CNRIP1: variants seen among roughly 807,000 people sequenced by gnomAD.
The protein encoded by CNRIP1 is CB1 cannabinoid receptor-interacting protein 1.
CNRIP1 carries 10 observed loss-of-function variants against 15.2 expected under a neutral mutation model. The ratio of observed to expected loss-of-function variants is 0.66; its 90% CI spans 0.41 to 1.12. The LOEUF is 1.12. CNRIP1 is among the 50% of genes most tolerant of loss of function. CNRIP1 has a pLI of 0.00. For synonymous variants in CNRIP1, 91 were observed against 83.2 expected (o/e 1.09, Z -0.51); for missense variants, 211 against 214.7 (o/e 0.98, Z 0.11).
At chr2:68,316,679 ATATAT>A (rs1330984172) in intron 2 of CNRIP1, 1 of 178,238 alleles carries the variant, frequency 5.6e-6, no homozygotes, top group Non-Finnish European at 1.2e-5. Flanking sequence ...TATAATAGGT[ATATAT>A]TATATAAAAT....
downstream of CNRIP1, among the ~76,000 whole-genome samples, chr2:68,288,128 A>C (rs973886286): frequency 6.6e-6 from 1 of 152,092 alleles, no homozygotes; most frequent in Non-Finnish European, 1.5e-5. Flanking sequence ...TTGTTGAGTC[A>C]GCTCATTTTC....
intron 2 of CNRIP1, chr2:68,284,502 C>T: frequency 6.6e-7 from 1 of 1,522,306 alleles, no homozygotes; most frequent in Non-Finnish European, 8.9e-7. Flanking sequence ...TAAATAGATA[C>T]CAGAATAAGT....
Position 68,307,381 on chromosome 2 carries a change from G to GCCCAGGC in CNRIP1, c.330+9775_330+9776insGCCTGGG, listed in dbSNP as rs1573028572. Among the ~76,000 whole-genome samples the GCCCAGGC allele has an allele frequency of 2.0e-5, 3 of 152,316 alleles. No individual in the cohort carries two copies. The East Asian group carries it at 5.8e-4, about 29-fold the overall frequency. ...CTGTGGCCCAGGCTGGAGTATAGTG[G>GCCCAGGC]TTTGATCATAGCTCACTGCAGCCTT... On this transcript the variant is annotated intron_variant, in intron 2 of 2. Transcript: ENST00000263655.
At chr2:68,296,398 GT>G (rs764470750) in intron 2 of CNRIP1, among the ~76,000 whole-genome samples, 81 of 152,170 alleles carry the variant, frequency 5.3e-4, no homozygotes, top group Admixed American at 9.2e-4. Flanking sequence ...TACAAAAAAT[GT>G]TTGAAAATTA....
chr2:68,311,210 A>G (rs892398362), intron 2 of CNRIP1, among the ~76,000 whole-genome samples: 16 of 152,152 alleles, frequency 1.1e-4, no homozygotes, highest in Admixed American at 1.0e-3. Context: ...CAAGGGGGGA[A>G]AAACCAGTTA....
rs1156706346 is a variant in CNRIP1, at chr2:68,293,961, A to AT, written c.395dup (p.Asp132GlufsTer13). 3 of 1,613,938 alleles carry AT rather than the reference A, an allele frequency of 1.9e-6. No individual in the cohort carries two copies. The highest frequency in any genetic ancestry group is 3.3e-5 in the Admixed American group (2 of 60,000). Reference sequence around the variant, plus strand: ...AGAAGGGGCTTCCCCACTGGCAGTGATCCCGCTTGTGGTAATTGTAGAACT... The same window carrying AT: ...AGAAGGGGCTTCCCCACTGGCAGTGATTCCCGCTTGTGGTAATTGTAGAACT... On this transcript the variant is annotated frameshift_variant, in exon 3 of 3. Coordinates refer to ENST00000263655, the MANE Select transcript of CNRIP1 (RefSeq NM_015463.3). LOFTEE classifies it high-confidence loss of function.
At chr2:68,292,903 A>C (rs1209632852), downstream of CNRIP1, 2 of 523,782 alleles carry the variant, frequency 3.8e-6, no homozygotes, top group African/African-American at 4.2e-5. Context: ...TCTACTCCGG[A>C]TACATCCCCG....
rs1672407795 is a variant in CNRIP1 at position 68,319,376 on chromosome 2, G to T, written c.25C>A (p.Arg9Ser). The stretch of plus-strand genomic sequence containing the variant: ...TGGATGCGCAGCGCGATGGAGAGGC[G>T]CACGAGGCCCGGCAGGTCCCCCATG... MGDLPGLV[R>S]LSIALRIQPN... Residue 9 changes from arginine (R) to serine (S), a missense_variant, in exon 1 of 3, where the codon CGC (arginine) becomes AGC (serine). Coordinates refer to ENST00000263655, the MANE Select transcript of CNRIP1 (RefSeq NM_015463.3). 1.9e-6 allele frequency: 3 copies of T among 1,584,066 alleles called. No individual in the cohort carries two copies. The highest frequency in any genetic ancestry group is 1.1e-5 in the South Asian group (1 of 87,860).
At chr2:68,307,293 T>C (rs967245292) in intron 2 of CNRIP1, among the ~76,000 whole-genome samples, 14 of 152,204 alleles carry the variant, frequency 9.2e-5, no homozygotes, top group African/African-American at 2.7e-4. Flanking sequence ...TGTATAGGAT[T>C]GTATATATTG....
At chr2:68,313,658 C>T (rs1672172661) in intron 2 of CNRIP1, among the ~76,000 whole-genome samples, 1 of 152,122 alleles carries the variant, frequency 6.6e-6, no homozygotes, top group Non-Finnish European at 1.5e-5. Context: ...GAGGAATTAA[C>T]TGCAAATAAT....
At chr2:68,308,446 G>T (rs1013078806) in intron 2 of CNRIP1, among the ~76,000 whole-genome samples, 13 of 151,766 alleles carry the variant, frequency 8.6e-5, no homozygotes, top group African/African-American at 3.2e-4. Context: ...ACTTTATACT[G>T]TGTAGAGACA....
downstream of CNRIP1, among the ~76,000 whole-genome samples, chr2:68,289,739 C>A (rs952201748): frequency 6.6e-6 from 1 of 152,198 alleles, no homozygotes; most frequent in South Asian, 2.1e-4. Flanking sequence ...CATTGGCCCC[C>A]CAAAGTGCTG....
chr2:68,316,164 G>A (rs1297107392), intron 2 of CNRIP1: 2 of 151,992 alleles, frequency 1.3e-5, no homozygotes, highest in East Asian at 1.9e-4. Context: ...AGGTTAGATA[G>A]GCATTTCTCA....
intron 2 of CNRIP1, among the ~76,000 whole-genome samples, chr2:68,300,394 G>T (rs1343504620): frequency 4.6e-5 from 7 of 152,158 alleles, no homozygotes; most frequent in Non-Finnish European, 1.5e-5. Context: ...CAAGGCAGGT[G>T]GATCACAAGG....
Position 68,319,661 on chromosome 2 carries a change from T to G in CNRIP1, c.-261A>C. 2 of 435,588 alleles carry G rather than the reference T, an allele frequency of 4.6e-6. No individual in the cohort carries two copies. The highest frequency in any genetic ancestry group is 8.2e-6 in the Non-Finnish European group (2 of 243,926). The allele number at this position is 435,588 out of a possible 1,614,324, so 27.0% of individuals were successfully genotyped here. ...GGCTCCAAGGCCGCGCGCTTCCCCA[T>G]CCCCCGCTCCAGTGCTGCGCCCTCC... is the stretch of plus-strand genomic sequence containing the variant. On this transcript the variant is annotated 5_prime_UTR_variant, in exon 1 of 3. The change abolishes an upstream ATG in the 5' untranslated region. Coordinates refer to ENST00000263655, the MANE Select transcript of CNRIP1 (RefSeq NM_015463.3).
At chr2:68,285,163 C>T (rs969093058) in intron 2 of CNRIP1, among the ~76,000 whole-genome samples, 3 of 152,090 alleles carry the variant, frequency 2.0e-5, no homozygotes, top group Non-Finnish European at 2.9e-5. Context: ...CAGGCAGGAG[C>T]GAGGGAGTGG....
chr2:68,285,059 G>A (rs1479516878), intron 2 of CNRIP1, among the ~76,000 whole-genome samples: 5 of 152,138 alleles, frequency 3.3e-5, no homozygotes, highest in Non-Finnish European at 5.9e-5. Context: ...CTTTAAGCCT[G>A]TCTTCCCTTG....
chr2:68,312,112 A>G lies in CNRIP1; in HGVS notation c.330+5045T>C, dbSNP rs529700608. Among the ~76,000 whole-genome samples the G allele has an allele frequency of 2.9e-4, 44 of 152,328 alleles. No homozygotes were observed. The South Asian group carries it at 7.9e-3, about 27-fold the overall frequency. On this transcript the variant is annotated intron_variant, in intron 2 of 2. Coordinates refer to ENST00000263655, the MANE Select transcript of CNRIP1 (RefSeq NM_015463.3). Reference sequence around the variant, plus strand: ...AAAATAGAAGAATGAACACTTTCCGAATCATTTTATGTAGCCAGCATTACT... The same window carrying G: ...AAAATAGAAGAATGAACACTTTCCGGATCATTTTATGTAGCCAGCATTACT...
chr2:68,285,684 AAAAGAAAAG>A (rs1358486776), intron 2 of CNRIP1, among the ~76,000 whole-genome samples: 16 of 150,872 alleles, frequency 1.1e-4, no homozygotes, highest in Admixed American at 7.3e-4. Flanking sequence ...AAAAGAAAAG[AAAAGAAAAG>A]AAAGAAAGGC....
Sources: allele counts gnomAD v4.1 joint callset (sites outside exome capture counted in the v4.1 genomes callset), GRCh38; gene constraint gnomAD v4.1.1; transcripts MANE v1.5; gene names NCBI Gene and HGNC (gene_info 2026-07-23, HGNC 2026-07-21).